SYT1: variants seen among roughly 807,000 people sequenced by gnomAD.
SYT1 encodes synaptotagmin 1.
SYT1 carries 8 observed loss-of-function variants against 44.8 expected under a neutral mutation model. That is an observed-to-expected ratio of 0.18 (90% CI 0.10 to 0.32). The LOEUF (loss-of-function observed/expected upper bound fraction) is 0.32. Among genes scored for constraint, SYT1 ranks in the 10% least tolerant of loss-of-function variants. SYT1 has a pLI of 1.00. For synonymous variants in SYT1, 154 were observed against 188.8 expected, an observed-to-expected ratio of 0.82 and a Z score of 1.51; for missense variants, 286 against 509.3, an observed-to-expected ratio of 0.56 and a Z score of 4.22.
chr12:79,045,378 G>A (rs143727509), intron 2 of SYT1, among the ~76,000 whole-genome samples: 1,968 of 152,280 alleles, frequency 0.013, 43 homozygotes, highest in Admixed American at 0.062. Context: ...GGAGTGACCC[G>A]ATTTTCCAGG....
intron 1 of SYT1, among the ~76,000 whole-genome samples, chr12:78,877,475 ACT>A (rs1313880984): frequency 6.6e-6 from 1 of 151,410 alleles, no homozygotes; most frequent in African/African-American, 2.4e-5. Flanking sequence ...AAATCCAGTA[ACT>A]CTATATTTTC....
At chr12:79,047,562 C>G (rs557077647) in intron 3 of SYT1, among the ~76,000 whole-genome samples, 200 bp downstream of exon 3, 3 of 151,922 alleles carry the variant, frequency 2.0e-5, no homozygotes, top group Non-Finnish European at 4.4e-5. Flanking sequence ...GCAAAGTACT[C>G]GTTGTGATAC....
intron 8 of SYT1, among the ~76,000 whole-genome samples, chr12:79,353,186 T>C (rs1287081402): frequency 6.6e-6 from 1 of 152,224 alleles, no homozygotes; most frequent in African/African-American, 2.4e-5. Context: ...TGCAGTGCTA[T>C]TCAGAGCACA....
chr12:79,250,906 C>G (rs1384649935), intron 4 of SYT1, among the ~76,000 whole-genome samples: 1 of 152,144 alleles, frequency 6.6e-6, no homozygotes, highest in African/African-American at 2.4e-5. Flanking sequence ...CAGGTGTCCT[C>G]TACATGTTGG....
chr12:79,331,079 A>G (rs1283702135), intron 8 of SYT1, among the ~76,000 whole-genome samples: 1 of 152,178 alleles, frequency 6.6e-6, no homozygotes, highest in Non-Finnish European at 1.5e-5. Context: ...GTTCAATTTT[A>G]CCCTCACATG....
chr12:79,129,789 G>A (rs1320098280), intron 3 of SYT1, among the ~76,000 whole-genome samples: 2 of 152,068 alleles, frequency 1.3e-5, no homozygotes, highest in Non-Finnish European at 2.9e-5. Context: ...GGAGGAGGCG[G>A]TGGCTTTTAA....
intron 1 of SYT1, among the ~76,000 whole-genome samples, chr12:78,930,470 A>G (rs1877571495): frequency 6.6e-6 from 1 of 151,976 alleles, no homozygotes; most frequent in African/African-American, 2.4e-5. Context: ...AAGAAAACAA[A>G]AAGTCAAAAG....
Position 79,130,413 on chromosome 12 carries a change from T to C in SYT1, c.-18+83051T>C, listed in dbSNP as rs17005240. ...GTCCACCATCTCTAAACTCTCTGAG[T>C]CTCACCATCGTATTGTTCATAAGCA... On this transcript the variant is annotated intron_variant, in intron 3 of 10. Coordinates refer to ENST00000261205, the MANE Select transcript of SYT1 (RefSeq NM_005639.3). Among the ~76,000 whole-genome samples the C allele has an allele frequency of 7.1e-3, 1,080 of 152,312 alleles. 15 individuals carry two copies. The highest frequency in any genetic ancestry group is 0.024 in the African/African-American group (982 of 41,556).
intron 4 of SYT1, among the ~76,000 whole-genome samples, chr12:79,267,095 G>A (rs889631928): frequency 2.6e-5 from 4 of 152,118 alleles, no homozygotes; most frequent in African/African-American, 9.7e-5. Context: ...TAAAAGAAAG[G>A]TAGTGGAGGA....
intron 2 of SYT1, among the ~76,000 whole-genome samples, chr12:79,019,322 ACT>A (rs1027071947): frequency 6.6e-6 from 1 of 151,704 alleles, no homozygotes; most frequent in Non-Finnish European, 1.5e-5. Flanking sequence ...TGTCTTTAAA[ACT>A]CTCGCAAAAA....
chr12:78,878,758 C>A (rs1259511104), intron 1 of SYT1, among the ~76,000 whole-genome samples: 1 of 151,658 alleles, frequency 6.6e-6, no homozygotes, highest in Non-Finnish European at 1.5e-5. Flanking sequence ...AGGGCTTCAG[C>A]ACGAAAGCTT....
chr12:79,424,233 G>A (rs918608114), intron 9 of SYT1, among the ~76,000 whole-genome samples: 1 of 152,026 alleles, frequency 6.6e-6, no homozygotes, highest in African/African-American at 2.4e-5. Context: ...TTACCGTGGA[G>A]ATGATTATCA....
intron 3 of SYT1, among the ~76,000 whole-genome samples, chr12:79,165,414 C>T (rs1565834548): frequency 6.6e-6 from 1 of 151,904 alleles, no homozygotes; most frequent in Non-Finnish European, 1.5e-5. Context: ...AACAGTGTTG[C>T]AAAGGTTTTG....
chr12:79,159,864 T>C (rs1324832193), intron 3 of SYT1, among the ~76,000 whole-genome samples: 5 of 152,158 alleles, frequency 3.3e-5, no homozygotes, highest in Non-Finnish European at 7.4e-5. Context: ...GGAGTTAAAA[T>C]GTAGCAGGGA....
chr12:79,075,345 T>C (rs919271973), intron 3 of SYT1, among the ~76,000 whole-genome samples: 7 of 152,112 alleles, frequency 4.6e-5, no homozygotes, highest in Admixed American at 1.3e-4. Context: ...CTCTCTCTCT[T>C]TTTTGTGCTA....
chr12:79,001,841 T>C (rs1449578783), intron 2 of SYT1, among the ~76,000 whole-genome samples: 1 of 152,176 alleles, frequency 6.6e-6, no homozygotes, highest in East Asian at 1.9e-4. Flanking sequence ...ATCTTCTGGA[T>C]ATTGATTTCT....
intron 2 of SYT1, among the ~76,000 whole-genome samples, chr12:79,011,851 G>A (rs1871427698): frequency 6.6e-6 from 1 of 151,954 alleles, no homozygotes; most frequent in Non-Finnish European, 1.5e-5. Context: ...GGTGTTTTAG[G>A]CCTGGCATGG....
At chr12:78,969,033 T>C (rs1169436967) in intron 1 of SYT1, among the ~76,000 whole-genome samples, 3 of 152,230 alleles carry the variant, frequency 2.0e-5, no homozygotes, top group African/African-American at 7.2e-5. Context: ...TTCAACATCC[T>C]TGGATTCAAC....
intron 1 of SYT1, among the ~76,000 whole-genome samples, chr12:78,874,686 T>C (rs1873976383): frequency 1.3e-5 from 2 of 151,608 alleles, no homozygotes; most frequent in South Asian, 4.1e-4. Context: ...CATGTGACCA[T>C]AAAGTTCATG....
Sources: gnomAD v4.1 joint callset for allele counts (sites outside exome capture counted in the v4.1 genomes callset) on GRCh38, gnomAD v4.1.1 for gene constraint, MANE v1.5 for transcripts, NCBI Gene and HGNC (gene_info 2026-07-23, HGNC 2026-07-21) for gene names.